The following EGFR variants were observed in gnomAD, a reference collection of about 807,000 sequenced individuals.
EGFR encodes avian erythroblastic leukemia viral (v-erb-b) oncogene homolog.
Under a neutral mutation model 143.0 loss-of-function variants are expected in EGFR, and 58 were observed. That is an observed-to-expected ratio of 0.41 (90% CI 0.33 to 0.50). The LOEUF is 0.50. Among genes scored for constraint, EGFR ranks in the 20% least tolerant of loss-of-function variants. EGFR has a pLI of 0.39. For synonymous variants in EGFR, 613 were observed against 594.4 expected (o/e 1.03, Z -0.45); for missense variants, 1,307 against 1,579.0 (o/e 0.83, Z 2.92).
In EGFR at chr7:55,161,580, G is replaced by A. The variant is rs150477666; in HGVS notation, c.1580G>A (p.Arg527Gln). The change falls in exon 13 of 28, where the codon CGG becomes CAG. Residue 527 changes from arginine (R) to glutamine (Q), a missense_variant. Physicochemically the swap from Arg to Gln is conservative, Grantham distance 43. This residue lies in a region of EGFR where 250 missense variants were observed against 295.1 expected (regional missense o/e 0.85). Transcript: ENST00000275493. ...GPEPRDCVSCRNVSRGRECVD... is the reference protein window; with the variant it reads ...GPEPRDCVSCQNVSRGRECVD... Reference sequence around the variant, plus strand: ...GAGCCCAGGGACTGCGTCTCTTGCCGGAATGTCAGCCGAGGCAGGGAATGC... The same window carrying A: ...GAGCCCAGGGACTGCGTCTCTTGCCAGAATGTCAGCCGAGGCAGGGAATGC... The A allele has an allele frequency of 7.9e-5, 127 of 1,614,164 alleles. No homozygotes were observed. In the African/African-American group the frequency reaches 9.9e-4, roughly 13 times the overall value.
At chr7:55,032,462 CA>C (rs1047120434) in intron 1 of EGFR, among the ~76,000 whole-genome samples, 9 of 152,214 alleles carry the variant, frequency 5.9e-5, no homozygotes, top group African/African-American at 1.7e-4. Flanking sequence ...ACGGCACCAG[CA>C]CACACTTTTC....
chr7:55,154,299 G>A (rs2128935491), intron 7 of EGFR, 147 bp downstream of exon 7: 1 of 1,302,424 alleles, frequency 7.7e-7, no homozygotes, highest in Non-Finnish European at 1.1e-6. Flanking sequence ...GCCCGTCCAG[G>A]CACACAGGCG....
intron 13 of EGFR, 30 bp downstream of exon 13, chr7:55,161,661 G>A (rs547837297): frequency 1.5e-5 from 24 of 1,614,170 alleles, no homozygotes; most frequent in African/African-American, 8.0e-5. Context: ...ATCCCCTTGC[G>A]TTGATCAAAA....
intron 1 of EGFR, among the ~76,000 whole-genome samples, chr7:55,055,717 CA>C (rs1170768092): frequency 8.6e-4 from 58 of 67,460 alleles, no homozygotes; most frequent in African/African-American, 3.9e-3. Flanking sequence ...CACACACACA[CA>C]CACACCACAC....
intron 15 of EGFR, among the ~76,000 whole-genome samples, chr7:55,168,052 T>G (rs570777841): frequency 6.6e-6 from 1 of 152,338 alleles, no homozygotes; most frequent in African/African-American, 2.4e-5. Flanking sequence ...ATTTTGAATT[T>G]TAACAAATAT....
chr7:55,129,288 G>T (rs940082311), intron 1 of EGFR, among the ~76,000 whole-genome samples: 1 of 152,232 alleles, frequency 6.6e-6, no homozygotes, highest in Non-Finnish European at 1.5e-5. Flanking sequence ...TGTGGAGGCG[G>T]GGAATCTGCA....
intron 1 of EGFR, among the ~76,000 whole-genome samples, chr7:55,090,255 C>T (rs1000135996): frequency 1.3e-5 from 2 of 152,260 alleles, no homozygotes; most frequent in East Asian, 1.9e-4. Flanking sequence ...AGGAGCTGTA[C>T]GTGCATTTTT....
chr7:55,070,121 C>T (rs947503162), intron 1 of EGFR, among the ~76,000 whole-genome samples: 1 of 152,192 alleles, frequency 6.6e-6, no homozygotes, highest in Non-Finnish European at 1.5e-5. Context: ...GAGAACAATG[C>T]TATATGCTGT....
At chr7:55,143,601 C>T in intron 3 of EGFR, 113 bp downstream of exon 3, 1 of 1,215,772 alleles carries the variant, frequency 8.2e-7, no homozygotes, top group Non-Finnish European at 1.2e-6. Context: ...TATTTTTACC[C>T]AGTACACGTG....
At chr7:55,111,788 C>A (rs913953969) in intron 1 of EGFR, among the ~76,000 whole-genome samples, 5 of 152,176 alleles carry the variant, frequency 3.3e-5, no homozygotes, top group African/African-American at 1.2e-4. Flanking sequence ...CGTGTAAATA[C>A]CACATTTAGG....
chr7:55,159,177 GC>G (rs1293056618), intron 11 of EGFR, among the ~76,000 whole-genome samples: 4 of 152,182 alleles, frequency 2.6e-5, no homozygotes, highest in African/African-American at 9.7e-5. Context: ...TCCTGTAGGG[GC>G]TAGAGGTTCT....
Position 55,151,285 on chromosome 7 carries a change from A to G in EGFR, c.560-9A>G, listed in dbSNP as rs768512891. 1.2e-6 allele frequency: 2 copies of G among 1,613,976 alleles called. No homozygotes were observed. The highest frequency in any genetic ancestry group is 2.7e-5 in the African/African-American group (2 of 74,938). ...ACTGAGATATGCATCTATTACTTTT[A>G]CATTTCAGGCCAAAAGTGTGATCCA... On this transcript the variant is annotated splice_polypyrimidine_tract_variant and intron_variant, in intron 4 of 27. Coordinates refer to ENST00000275493, the MANE Select transcript of EGFR (RefSeq NM_005228.5).
At chr7:55,108,551 A>G (rs1682234721) in intron 1 of EGFR, among the ~76,000 whole-genome samples, 2 of 152,244 alleles carry the variant, frequency 1.3e-5, no homozygotes, top group Admixed American at 1.3e-4. Flanking sequence ...AAGTTGAGAA[A>G]TAGCAGTAGG....
chr7:55,088,532 G>A (rs181930401), intron 1 of EGFR, among the ~76,000 whole-genome samples: 87 of 152,266 alleles, frequency 5.7e-4, no homozygotes, highest in African/African-American at 2.0e-3. Context: ...CCAGGCATCC[G>A]CACTTGCAAA....
chr7:55,190,001 A>G (rs186999260), intron 20 of EGFR, among the ~76,000 whole-genome samples: 10 of 152,346 alleles, frequency 6.6e-5, no homozygotes, highest in African/African-American at 2.4e-4. Context: ...GCAAGTCAGC[A>G]TCGCAGGAGT....
chr7:55,019,826 C>A (rs1195507777), intron 1 of EGFR, among the ~76,000 whole-genome samples: 1 of 152,208 alleles, frequency 6.6e-6, no homozygotes, highest in East Asian at 1.9e-4. Flanking sequence ...GCCCACCCGC[C>A]GAGACTGCAC....
rs922780290 is a variant in EGFR at position 55,100,455 on chromosome 7, C to T, written c.89-41831C>T. 3.9e-5 allele frequency among the ~76,000 whole-genome samples: 6 copies of T among 152,320 alleles called. No homozygotes were observed. In the East Asian group the frequency reaches 1.2e-3, roughly 29 times the overall value. ...CCAGATCCTCAGGATTTGGGTGCAGCCTCTGAGGTGGGTGGGAGGCCCTCG... is the reference window on the plus strand; with the variant it reads ...CCAGATCCTCAGGATTTGGGTGCAGTCTCTGAGGTGGGTGGGAGGCCCTCG... On this transcript the variant is annotated intron_variant, in intron 1 of 27. Coordinates refer to ENST00000275493, the MANE Select transcript of EGFR (RefSeq NM_005228.5).
At chr7:55,141,041 A>C (rs1231562855) in intron 1 of EGFR, among the ~76,000 whole-genome samples, 1 of 152,252 alleles carries the variant, frequency 6.6e-6, no homozygotes, top group African/African-American at 2.4e-5. Flanking sequence ...TGTAAAAAGC[A>C]TTGAAGAAAG....
intron 1 of EGFR, among the ~76,000 whole-genome samples, chr7:55,063,373 A>G (rs900029300): frequency 2.6e-5 from 4 of 152,174 alleles, no homozygotes; most frequent in African/African-American, 9.6e-5. Flanking sequence ...AGATCGAACC[A>G]CATGTGCTGA....
Sources: gnomAD v4.1 joint callset for allele counts (sites outside exome capture counted in the v4.1 genomes callset) on GRCh38, gnomAD v4.1.1 for gene constraint, gnomAD v4.1.1 regional missense constraint, MANE v1.5 for transcripts, NCBI Gene and HGNC (gene_info 2026-07-23, HGNC 2026-07-21) for gene names.